ZDHHC14: variants seen among roughly 807,000 people sequenced by gnomAD.
ZDHHC14 encodes the protein zDHHC palmitoyltransferase 14.
A neutral mutation model predicts 47.7 loss-of-function variants in ZDHHC14; 16 were observed. The ratio of observed to expected loss-of-function variants is 0.34; its 90% confidence interval spans 0.23 to 0.51. ZDHHC14 has a LOEUF of 0.51. Among genes scored for constraint, ZDHHC14 ranks in the 20% least tolerant of loss-of-function variants. ZDHHC14 has a pLI of 0.97. For synonymous variants in ZDHHC14, 293 were observed against 278.9 expected, an observed-to-expected ratio of 1.05 and a Z score of -0.50; for missense variants, 515 against 662.5, an observed-to-expected ratio of 0.78 and a Z score of 2.44.
At chr6:157,573,217 G>C (rs761888996) in intron 2 of ZDHHC14, among the ~76,000 whole-genome samples, 10 of 152,044 alleles carry the variant, frequency 6.6e-5, no homozygotes, top group Non-Finnish European at 1.5e-4. Flanking sequence ...GCCAGCTGTT[G>C]AGGAGCTCTG....
chr6:157,557,241 A>G (rs1782514348), intron 2 of ZDHHC14, among the ~76,000 whole-genome samples: 1 of 152,142 alleles, frequency 6.6e-6, no homozygotes, highest in Non-Finnish European at 1.5e-5. Context: ...GCTAGTGGTG[A>G]CTAGGTCAGG....
At chr6:157,495,733 C>T (rs1320310977) in intron 1 of ZDHHC14, among the ~76,000 whole-genome samples, 3 of 105,020 alleles carry the variant, frequency 2.9e-5, no homozygotes, top group African/African-American at 1.1e-4. Context: ...GAGATAGGGT[C>T]TTGCTCTGTC....
chr6:157,527,516 G>A (rs550767097), intron 1 of ZDHHC14, among the ~76,000 whole-genome samples: 2 of 152,162 alleles, frequency 1.3e-5, no homozygotes, highest in Non-Finnish European at 2.9e-5. Context: ...ACCCAGGGGA[G>A]AGTAAGAGTC....
intron 1 of ZDHHC14, among the ~76,000 whole-genome samples, chr6:157,413,075 G>A (rs942969516): frequency 2.6e-5 from 4 of 152,158 alleles, no homozygotes; most frequent in Admixed American, 1.3e-4. Flanking sequence ...TGAGGGAGAC[G>A]GTGAATGAGG....
At chr6:157,505,758 A>G (rs1168659018) in intron 1 of ZDHHC14, among the ~76,000 whole-genome samples, 1 of 152,240 alleles carries the variant, frequency 6.6e-6, no homozygotes, top group Non-Finnish European at 1.5e-5. Flanking sequence ...GTTTAAACGA[A>G]GAATTAAATT....
intron 2 of ZDHHC14, among the ~76,000 whole-genome samples, chr6:157,562,259 C>T (rs1782737604): frequency 6.6e-6 from 1 of 152,158 alleles, no homozygotes; most frequent in Non-Finnish European, 1.5e-5. Context: ...ACCCACAGCC[C>T]TGGGCAATGA....
chr6:157,585,573 G>A (rs1783661933), intron 2 of ZDHHC14, among the ~76,000 whole-genome samples: 1 of 152,222 alleles, frequency 6.6e-6, no homozygotes, highest in Non-Finnish European at 1.5e-5. Flanking sequence ...CTAGAACACT[G>A]AAGAAAAAGT....
intron 1 of ZDHHC14, among the ~76,000 whole-genome samples, chr6:157,485,889 T>G (rs1408024097): frequency 6.6e-6 from 1 of 152,136 alleles, no homozygotes; most frequent in Non-Finnish European, 1.5e-5. Context: ...AGCACGTGCC[T>G]GTAATCCCAG....
At chr6:157,402,617 G>T (rs188061896) in intron 1 of ZDHHC14, among the ~76,000 whole-genome samples, 2 of 152,150 alleles carry the variant, frequency 1.3e-5, no homozygotes, top group Admixed American at 6.5e-5. Context: ...GAGATTTTTT[G>T]GACAATTTCT....
chr6:157,545,622 C>G (rs80070111), intron 2 of ZDHHC14, among the ~76,000 whole-genome samples: 3 of 151,266 alleles, frequency 2.0e-5, no homozygotes, highest in African/African-American at 7.3e-5. Context: ...AGCTTGCAGC[C>G]GAGATCACGC....
At chr6:157,550,602 T>C (rs376749344) in intron 2 of ZDHHC14, among the ~76,000 whole-genome samples, 3 of 150,494 alleles carry the variant, frequency 2.0e-5, no homozygotes, top group Non-Finnish European at 4.5e-5. Context: ...AGAGAGAACA[T>C]GGTGTCACAC....
chr6:157,421,885 G>C (rs139865944), intron 1 of ZDHHC14, among the ~76,000 whole-genome samples: 104 of 152,290 alleles, frequency 6.8e-4, no homozygotes, highest in Middle Eastern at 3.4e-3. Context: ...TGGGATTACA[G>C]GTGTGAGCCA....
At chr6:157,539,411 A>T (rs2365613) in intron 1 of ZDHHC14, among the ~76,000 whole-genome samples, 72 of 151,828 alleles carry the variant, frequency 4.7e-4, no homozygotes, top group African/African-American at 1.7e-3. Context: ...CTCCAGAAAG[A>T]TAATAAATAA....
intron 1 of ZDHHC14, among the ~76,000 whole-genome samples, chr6:157,497,322 T>C (rs1397736266): frequency 1.3e-5 from 2 of 152,194 alleles, no homozygotes; most frequent in Non-Finnish European, 2.9e-5. Flanking sequence ...TCCACAGTTA[T>C]AGATAGTTTG....
chr6:157,612,062 G>A (rs1784770668), intron 3 of ZDHHC14, among the ~76,000 whole-genome samples: 1 of 152,112 alleles, frequency 6.6e-6, no homozygotes, highest in Non-Finnish European at 1.5e-5. Flanking sequence ...CTGAGGGCCA[G>A]CCCCATTCAC....
chr6:157,672,136 C>T (rs1778825221), intron 8 of ZDHHC14, among the ~76,000 whole-genome samples: 1 of 152,194 alleles, frequency 6.6e-6, no homozygotes, highest in South Asian at 2.1e-4. Context: ...AGCATGCTTT[C>T]CTCAAGGTCC....
intron 2 of ZDHHC14, among the ~76,000 whole-genome samples, chr6:157,563,214 T>A (rs1782776496): frequency 1.3e-5 from 2 of 152,152 alleles, no homozygotes; most frequent in Non-Finnish European, 2.9e-5. Context: ...ATGGCAGAAG[T>A]ACTGGCCAGG....
chr6:157,612,843 G>A (rs1321674967), intron 3 of ZDHHC14, among the ~76,000 whole-genome samples: 7 of 147,658 alleles, frequency 4.7e-5, no homozygotes, highest in East Asian at 2.0e-4. Flanking sequence ...CTCTCTTAGA[G>A]AAAAAAAAAA....
At chr6:157,532,799 G>A (rs570751250) in intron 1 of ZDHHC14, among the ~76,000 whole-genome samples, 2 of 152,316 alleles carry the variant, frequency 1.3e-5, no homozygotes, top group South Asian at 2.1e-4. Flanking sequence ...GCTTCAGCCC[G>A]CTGAGGTTTC....
Sources: allele counts gnomAD v4.1 joint callset (sites outside exome capture counted in the v4.1 genomes callset), GRCh38; gene constraint gnomAD v4.1.1; transcripts MANE v1.5; gene names NCBI Gene and HGNC (gene_info 2026-07-23, HGNC 2026-07-21).